MED13: variants seen among roughly 807,000 people sequenced by gnomAD.
The protein encoded by MED13 is mediator complex subunit 13.
MED13 carries 23 observed loss-of-function variants against 225.2 expected under a neutral mutation model. The ratio of observed to expected loss-of-function variants is 0.10; its 90% CI spans 0.07 to 0.14. The LOEUF (loss-of-function observed/expected upper bound fraction) is 0.14, where lower values mean the gene tolerates loss of function less well. MED13 is among the 10% of genes least tolerant of loss of function. The probability of loss-of-function intolerance (pLI) is 1.00; values close to 1 mark genes in which losing one functional copy is unlikely to be tolerated. For synonymous variants in MED13, 942 were observed against 889.2 expected, an observed-to-expected ratio of 1.06 and a Z score of -1.06; for missense variants, 2,197 against 2,594.5, an observed-to-expected ratio of 0.85 and a Z score of 3.33.
intron 23 of MED13, among the ~76,000 whole-genome samples, chr17:61,959,936 G>T (rs1195456610): frequency 3.9e-5 from 6 of 151,920 alleles, no homozygotes; most frequent in Non-Finnish European, 7.4e-5. Flanking sequence ...ATGTTGCCCA[G>T]GCTGGTCTCG....
chr17:61,984,414 G>GA (rs1280630527), intron 14 of MED13, 47 bp from the exon 15 acceptor site: 29 of 1,373,054 alleles, frequency 2.1e-5, no homozygotes, highest in Non-Finnish European at 2.8e-5. Context: ...CTTCTAGGAG[G>GA]AAAAAATAAA....
intron 3 of MED13, among the ~76,000 whole-genome samples, chr17:62,048,041 T>TAC (rs200204509): frequency 8.6e-6 from 1 of 116,696 alleles, no homozygotes; most frequent in Non-Finnish European, 1.7e-5. Context: ...CATATACATA[T>TAC]ACATATATAT....
chr17:61,980,120 T>C (rs1159783331), intron 16 of MED13, among the ~76,000 whole-genome samples: 1 of 151,670 alleles, frequency 6.6e-6, no homozygotes, highest in Non-Finnish European at 1.5e-5. Flanking sequence ...ACCCGGGAGG[T>C]GGAGGTTGCA....
At chr17:62,042,155 A>G (rs2080857815) in intron 3 of MED13, among the ~76,000 whole-genome samples, 2 of 152,216 alleles carry the variant, frequency 1.3e-5, no homozygotes, top group African/African-American at 4.8e-5. Context: ...TTATTAACAT[A>G]GCTCCATGAA....
rs1299061242 is a variant in MED13, at chr17:61,987,128, T to A, written c.2264A>T (p.Asp755Val). The part of the protein sequence containing the change: ...MSLFSPSIKQ[D>V]APRPTSHARP... ...GGCATGACTAGTAGGGCGTGGAGCA[T>A]CTACAAAAGTCAATCAGAAAAATAA... The change falls in exon 12 of 30, where the codon GAT becomes GTT. Residue 755 changes from aspartate (D) to valine (V), a missense_variant and splice_region_variant. Asp to Val is a radical substitution (Grantham distance 152, BLOSUM62 -3). This residue lies in a region of MED13 where 884 missense variants were observed against 918.5 expected (regional missense o/e 0.96). Coordinates refer to ENST00000397786, the MANE Select transcript of MED13 (RefSeq NM_005121.3). The A allele has an allele frequency of 6.3e-7, 1 of 1,584,622 alleles. No homozygotes were observed. Among genetic ancestry groups the A allele is most frequent in the African/African-American group, 1.4e-5 (1 of 72,856 alleles).
chr17:62,035,324 G>C lies in MED13; in HGVS notation c.616+139C>G, dbSNP rs560099190. The C allele has an allele frequency of 1.2e-3, 953 of 806,580 alleles. 14 individuals are homozygous for C. The South Asian group carries it at 0.022, about 19-fold the overall frequency. The allele number at this position is 806,580 out of a possible 1,614,324, so 50.0% of individuals were successfully genotyped here. On this transcript the variant is annotated intron_variant, in intron 4 of 29. Transcript: ENST00000397786. ...ACTGACTTAACACTGTAATGGGGAA[G>C]GAAAAAGTAAATGACATCAAAATCA...
intron 8 of MED13, among the ~76,000 whole-genome samples, chr17:62,020,757 A>G (rs1156262634): frequency 6.8e-6 from 1 of 146,976 alleles, no homozygotes; most frequent in Admixed American, 6.9e-5. Flanking sequence ...GCAGGGTCAT[A>G]GGACAATAGT....
chr17:61,991,064 C>G (rs1331252940), intron 11 of MED13, among the ~76,000 whole-genome samples: 1 of 152,164 alleles, frequency 6.6e-6, no homozygotes, highest in Non-Finnish European at 1.5e-5. Flanking sequence ...CCTATTTATT[C>G]TATGTCACAA....
At chr17:61,986,552 C>T (rs2080249870) in intron 12 of MED13, among the ~76,000 whole-genome samples, 1 of 152,008 alleles carries the variant, frequency 6.6e-6, no homozygotes, top group Admixed American at 6.6e-5. Context: ...ATGTATCTGT[C>T]TTATAATAGC....
At position 61,942,668 on chromosome 17, in the gene MED13, T is replaced by A. The variant is rs911916669; in HGVS notation, c.*3800A>T. 1 of 152,236 alleles carries A rather than the reference T, an allele frequency of 6.6e-6. No homozygotes were observed. The highest frequency in any genetic ancestry group is 2.4e-5 in the African/African-American group (1 of 41,404). 9.4% of individuals were successfully genotyped at this position (152,236 alleles called of 1,614,324 possible). ...GTTTTTTGTTTTTGTTTTTTTTTTT[T>A]TAAAAAGTATAAACCTTTTCATTTC... On this transcript the variant is annotated 3_prime_UTR_variant, in exon 30 of 30. Transcript: ENST00000397786.
chr17:62,017,710 C>T (rs1325868384), intron 8 of MED13, among the ~76,000 whole-genome samples: 2 of 152,068 alleles, frequency 1.3e-5, no homozygotes, highest in Non-Finnish European at 2.9e-5. Flanking sequence ...ACCACACATT[C>T]AGTTTGTTGT....
chr17:62,025,789 T>A (rs776248660), intron 8 of MED13, among the ~76,000 whole-genome samples: 78 of 152,260 alleles, frequency 5.1e-4, no homozygotes, highest in Non-Finnish European at 9.4e-4. Context: ...AGGTGTGGTT[T>A]TTTTAGCTAT....
At chr17:61,956,631 A>G in intron 23 of MED13, 150 bp from the exon 24 acceptor site, 1 of 682,616 alleles carries the variant, frequency 1.5e-6, no homozygotes, top group Non-Finnish European at 2.4e-6. Context: ...CTCCACCTTC[A>G]CGGGTTTAAG....
intron 8 of MED13, among the ~76,000 whole-genome samples, chr17:62,018,782 G>A (rs2080608113): frequency 6.6e-6 from 1 of 151,688 alleles, no homozygotes. Flanking sequence ...CATTTTATAT[G>A]AAGGACTTGA....
intron 8 of MED13, among the ~76,000 whole-genome samples, chr17:62,026,199 AT>A (rs557676619): frequency 1.4e-3 from 219 of 152,316 alleles, no homozygotes; most frequent in Middle Eastern, 3.4e-3. Context: ...AGGCAACATA[AT>A]TTTAAAACTT....
chr17:62,034,105 C>A (rs1603406011), intron 4 of MED13, 121 bp from the exon 5 acceptor site: 1 of 778,108 alleles, frequency 1.3e-6, no homozygotes, highest in Non-Finnish European at 2.0e-6. Flanking sequence ...CCAGTAATAA[C>A]CATTCCAGAG....
chr17:61,982,059 A>G (rs1187523720), intron 16 of MED13, 139 bp downstream of exon 16: 6 of 742,666 alleles, frequency 8.1e-6, no homozygotes, highest in Non-Finnish European at 1.3e-5. Context: ...TTCTCCCTTT[A>G]AAAACATCAT....
intron 3 of MED13, among the ~76,000 whole-genome samples, chr17:62,043,808 T>C (rs958606598): frequency 7.2e-5 from 11 of 152,258 alleles, no homozygotes; most frequent in African/African-American, 2.7e-4. Flanking sequence ...CATGATATTA[T>C]TTTGGACTTA....
intron 9 of MED13, among the ~76,000 whole-genome samples, chr17:61,997,561 TTAAAA>T (rs1246087417): frequency 1.3e-5 from 2 of 152,174 alleles, no homozygotes; most frequent in Admixed American, 1.3e-4. Context: ...TATTTAATAC[TTAAAA>T]TAATATTTTA....
Sources: gnomAD v4.1 joint callset for allele counts (sites outside exome capture counted in the v4.1 genomes callset) on GRCh38, gnomAD v4.1.1 for gene constraint, gnomAD v4.1.1 regional missense constraint, MANE v1.5 for transcripts, NCBI Gene and HGNC (gene_info 2026-07-23, HGNC 2026-07-21) for gene names.